The following NELL1 variants were observed in gnomAD, a reference collection of about 807,000 sequenced individuals.
NELL1 encodes protein kinase C-binding protein NELL1.
A neutral mutation model predicts 107.4 loss-of-function variants in NELL1; 76 were observed. That is an observed-to-expected ratio of 0.71 (90% confidence interval 0.59 to 0.86). The LOEUF (loss-of-function observed/expected upper bound fraction) is 0.86. Ranked by LOEUF, NELL1 falls within the 40% of genes least tolerant of loss-of-function variation. NELL1 has a pLI of 0.00. For synonymous variants in NELL1, 353 were observed against 341.2 expected (o/e 1.03, Z -0.38); for missense variants, 1,024 against 1,005.5 (o/e 1.02, Z -0.25).
chr11:20,954,047 A>G, intron 11 of NELL1, among the ~76,000 whole-genome samples: 1 of 152,204 alleles, frequency 6.6e-6, no homozygotes, highest in East Asian at 1.9e-4. Context: ...CCTCAGTCGG[A>G]CTATGGCTCT....
At chr11:21,055,399 T>C (rs1231056421) in intron 12 of NELL1, among the ~76,000 whole-genome samples, 1 of 152,144 alleles carries the variant, frequency 6.6e-6, no homozygotes, top group African/African-American at 2.4e-5. Flanking sequence ...ATTAGATTTA[T>C]AAATAGTTTT....
chr11:20,976,252 T>G (rs909505915), intron 12 of NELL1, among the ~76,000 whole-genome samples: 6 of 151,776 alleles, frequency 4.0e-5, no homozygotes, highest in Non-Finnish European at 5.9e-5. Context: ...TTCAGGTTGA[T>G]TTTTTACTTT....
At chr11:21,183,940 T>C (rs73452229) in intron 13 of NELL1, among the ~76,000 whole-genome samples, 1,675 of 151,878 alleles carry the variant, frequency 0.011, 70 homozygotes, top group African/African-American at 0.036. Flanking sequence ...ATGATCATTT[T>C]TGGGGGCTCA....
At chr11:20,762,657 G>A (rs973723599) in intron 2 of NELL1, among the ~76,000 whole-genome samples, 5 of 152,184 alleles carry the variant, frequency 3.3e-5, no homozygotes, top group African/African-American at 1.2e-4. Context: ...TGGTGAATAA[G>A]AGCGTAATTA....
At chr11:21,388,386 T>C (rs1261149349) in intron 15 of NELL1, among the ~76,000 whole-genome samples, 3 of 151,816 alleles carry the variant, frequency 2.0e-5, no homozygotes, top group African/African-American at 7.2e-5. Context: ...GTAGGTAATA[T>C]AAATTAGTAG....
At chr11:20,715,821 A>G (rs187602180) in intron 2 of NELL1, among the ~76,000 whole-genome samples, 1 of 152,298 alleles carries the variant, frequency 6.6e-6, no homozygotes, top group African/African-American at 2.4e-5. Context: ...TGAATTAACC[A>G]TGGGGCCACA....
At chr11:21,398,901 T>C (rs1212160723) in intron 15 of NELL1, among the ~76,000 whole-genome samples, 1 of 151,792 alleles carries the variant, frequency 6.6e-6, no homozygotes, top group African/African-American at 2.4e-5. Flanking sequence ...AGCCAGTCAA[T>C]GATTTTCATA....
At chr11:20,921,214 G>A (rs1389436235) in intron 7 of NELL1, among the ~76,000 whole-genome samples, 1 of 152,118 alleles carries the variant, frequency 6.6e-6, no homozygotes, top group Admixed American at 6.6e-5. Flanking sequence ...AGTAAGTAGA[G>A]GGCCAGATTT....
chr11:20,885,026 A>G (rs1298107090), intron 4 of NELL1, among the ~76,000 whole-genome samples: 2 of 152,352 alleles, frequency 1.3e-5, no homozygotes, highest in East Asian at 1.9e-4. Flanking sequence ...TGCAAAGGAA[A>G]GTACAGTGGC....
At chr11:20,836,448 G>T (rs1363018933) in intron 3 of NELL1, among the ~76,000 whole-genome samples, 1 of 151,954 alleles carries the variant, frequency 6.6e-6, no homozygotes, top group Non-Finnish European at 1.5e-5. Context: ...GCACTTCTAG[G>T]TATTTACTCA....
At chr11:21,501,799 G>T (rs769097078) in intron 15 of NELL1, among the ~76,000 whole-genome samples, 6 of 152,128 alleles carry the variant, frequency 3.9e-5, no homozygotes, top group Non-Finnish European at 7.4e-5. Flanking sequence ...ACTAGAACAA[G>T]CATTATTTCT....
chr11:21,460,692 T>C (rs1446502775), intron 15 of NELL1, among the ~76,000 whole-genome samples: 1 of 152,084 alleles, frequency 6.6e-6, no homozygotes, highest in South Asian at 2.1e-4. Context: ...GGTAGGCATC[T>C]GGTTGCTAGA....
chr11:21,096,951 G>C (rs555307581), intron 12 of NELL1, among the ~76,000 whole-genome samples: 1 of 151,928 alleles, frequency 6.6e-6, no homozygotes, highest in East Asian at 2.0e-4. Context: ...TCCTGGGTTT[G>C]AGTAATCCTC....
chr11:20,899,635 A>G (rs1293262624), intron 5 of NELL1, among the ~76,000 whole-genome samples: 1 of 152,170 alleles, frequency 6.6e-6, no homozygotes, highest in African/African-American at 2.4e-5. Context: ...AAGAACAGAA[A>G]TTCATAAAAT....
At chr11:20,971,169 A>G (rs1016748868) in intron 12 of NELL1, among the ~76,000 whole-genome samples, 5 of 152,064 alleles carry the variant, frequency 3.3e-5, no homozygotes, top group African/African-American at 1.2e-4. Flanking sequence ...AGCCAAGCCT[A>G]TGTGTATGGC....
chr11:21,485,108 C>T (rs1854592464), intron 15 of NELL1, among the ~76,000 whole-genome samples: 1 of 152,132 alleles, frequency 6.6e-6, no homozygotes, highest in African/African-American at 2.4e-5. Flanking sequence ...CTCCTCAAGC[C>T]TCACAGCCTT....
At chr11:20,954,410 T>C (rs555772411) in intron 11 of NELL1, among the ~76,000 whole-genome samples, 3 of 152,310 alleles carry the variant, frequency 2.0e-5, no homozygotes, top group South Asian at 4.1e-4. Context: ...TTTTTTGTTA[T>C]CTTGAAATGA....
At chr11:21,331,108 A>C (rs1850262831) in intron 14 of NELL1, among the ~76,000 whole-genome samples, 1 of 151,972 alleles carries the variant, frequency 6.6e-6, no homozygotes, top group Non-Finnish European at 1.5e-5. Context: ...TATTGCCCTC[A>C]TATCTTCCTT....
At chr11:21,552,713 A>G (rs1325405313) in intron 16 of NELL1, among the ~76,000 whole-genome samples, 1 of 151,792 alleles carries the variant, frequency 6.6e-6, no homozygotes, top group East Asian at 1.9e-4. Context: ...AAATATGAAG[A>G]GAGGATCAAG....
Sources: allele counts gnomAD v4.1 joint callset (sites outside exome capture counted in the v4.1 genomes callset), GRCh38; gene constraint gnomAD v4.1.1; transcripts MANE v1.5; gene names NCBI Gene and HGNC (gene_info 2026-07-23, HGNC 2026-07-21).